Variants in ERBB3 observed in about 807,000 individuals in gnomAD.
ERBB3 encodes erb-b2 receptor tyrosine kinase 3, also known as receptor tyrosine-protein kinase erbB-3.
ERBB3 carries 96 observed loss-of-function variants against 156.7 expected under a neutral mutation model. The ratio of observed to expected loss-of-function variants is 0.61; its 90% CI spans 0.52 to 0.73. The LOEUF is 0.73. ERBB3 is among the 30% of genes least tolerant of loss of function. ERBB3 has a pLI of 0.00. For synonymous variants in ERBB3, 567 were observed against 632.0 expected, an observed-to-expected ratio of 0.90 and a Z score of 1.54; for missense variants, 1,406 against 1,709.4, an observed-to-expected ratio of 0.82 and a Z score of 3.13.
rs1868797672 is a variant in ERBB3 at position 56,093,804 on chromosome 12, G to A, written c.1521G>A (p.Gly507=). The change falls in exon 13 of 28, where the codon GGG becomes GGA. Residue 507 remains glycine (G), a synonymous_variant. Transcript: ENST00000267101. ...TGTGTGACCCACTGTGCTCCTCTGG[G>A]GGATGCTGGGGCCCAGGCCCTGGTC... The part of the protein sequence containing the change: ...GKVCDPLCSS[G]GCWGPGPGQC... The A allele has an allele frequency of 1.2e-6, 2 of 1,613,952 alleles. No homozygotes were observed. The highest frequency in any genetic ancestry group is 1.7e-6 in the Non-Finnish European group (2 of 1,180,010).
At chr12:56,085,832 G>A (rs1424681677) in intron 3 of ERBB3, among the ~76,000 whole-genome samples, 1 of 150,704 alleles carries the variant, frequency 6.6e-6, no homozygotes, top group East Asian at 1.9e-4. Flanking sequence ...CACTTTGGGA[G>A]GCCAAGGCAG....
At chr12:56,086,251 G>A (rs113453807) in intron 3 of ERBB3, among the ~76,000 whole-genome samples, 4 of 152,006 alleles carry the variant, frequency 2.6e-5, no homozygotes, top group Admixed American at 2.6e-4. Context: ...GCAGGGCTTG[G>A]GGGAGGGAAT....
chr12:56,098,273 G>A (rs552539100), intron 21 of ERBB3: 71 of 571,838 alleles, frequency 1.2e-4, no homozygotes, highest in African/African-American at 9.2e-4. Context: ...TTAGCCAGGC[G>A]TGGCGGCATG....
chr12:56,092,537 T>C (rs1437722360), intron 9 of ERBB3, among the ~76,000 whole-genome samples: 1 of 152,148 alleles, frequency 6.6e-6, no homozygotes, highest in Non-Finnish European at 1.5e-5. Context: ...CTGTGTTCTT[T>C]GGGCTGTACC....
In ERBB3 at chr12:56,100,163, T is replaced by G; in HGVS notation, c.3130-11T>G. The G allele has an allele frequency of 6.2e-7, 1 of 1,612,912 alleles. No individual in the cohort carries two copies. Among genetic ancestry groups the G allele is most frequent in the Non-Finnish European group, 8.5e-7 (1 of 1,179,206 alleles). On this transcript the variant is annotated splice_polypyrimidine_tract_variant and intron_variant, in intron 25 of 27. Transcript: ENST00000267101. ...CTTCATCTTAACCTTTTCCTTATTT[T>G]TTCATCCTAGAGCCAGAGCCTTTTA...
chr12:56,097,151 C>T lies in ERBB3; in HGVS notation c.2381C>T (p.Ser794Phe), dbSNP rs1303381079. ...QLVTQYLPLG[S>F]LLDHVRQHRG... is the part of the protein sequence containing the mutation. ...GTCACTCAATATTTGCCTCTGGGTT[C>T]TCTGCTGGATCATGTGAGACAACAC... Residue 794 changes from serine to phenylalanine, a missense_variant, in exon 20 of 28, where the codon TCT becomes TTT. Transcript: ENST00000267101. 1 of 1,614,160 alleles carries T rather than the reference C, an allele frequency of 6.2e-7. No individual in the cohort carries two copies. Among genetic ancestry groups the T allele is most frequent in the Non-Finnish European group, 8.5e-7 (1 of 1,180,030 alleles).
chr12:56,095,709 T>C lies in ERBB3; in HGVS notation c.1958T>C (p.Val653Ala). ...TMALTVIAGL[V>A]VIFMMLGGTF... ...GCTTTGACAGTGATAGCAGGATTGG[T>C]AGTGATTTTCATGATGCTGGGCGGC... Residue 653 changes from valine (V) to alanine (A), a missense_variant, in exon 17 of 28, where the codon GTA (valine) becomes GCA (alanine). By Grantham distance (64) the Val-to-Ala change is moderately conservative. This residue lies in a region of ERBB3 where 979 missense variants were observed against 1,219.6 expected (regional missense o/e 0.80). Transcript: ENST00000267101. 6.2e-7 allele frequency: 1 copy of C among 1,614,120 alleles called. No homozygotes were observed.
Position 56,101,226 on chromosome 12 carries a change from A to T in ERBB3, c.3367A>T (p.Ser1123Cys), listed in dbSNP as rs988843207. The change falls in exon 27 of 28, where the codon AGC becomes TGC. Residue 1123 changes from serine to cysteine, a missense_variant. Ser to Cys is a moderately radical substitution (Grantham distance 112). Coordinates refer to ENST00000267101, the MANE Select transcript of ERBB3 (RefSeq NM_001982.4). Reference sequence around the variant, plus strand: ...GTGTAGGAGCCGGAGCAGGAGCCGGAGCCCACGGCCACGCGGAGATAGCGC... The same window carrying T: ...GTGTAGGAGCCGGAGCAGGAGCCGGTGCCCACGGCCACGCGGAGATAGCGC... ...SMCRSRSRSR[S>C]PRPRGDSAYH... 1 of 1,613,912 alleles carries T rather than the reference A, an allele frequency of 6.2e-7. No homozygotes were observed. Among genetic ancestry groups the T allele is most frequent in the African/African-American group, 1.3e-5 (1 of 74,944 alleles).
intron 1 of ERBB3, among the ~76,000 whole-genome samples, chr12:56,082,912 CTG>C (rs1016945275): frequency 1.3e-5 from 2 of 152,160 alleles, no homozygotes; most frequent in African/African-American, 4.8e-5. Flanking sequence ...CCAGGTTCCT[CTG>C]TATTTGCTGA....
rs812826 is a variant in ERBB3, at chr12:56,101,522, C to T, written c.3503-7C>T. On this transcript the variant is annotated splice_polypyrimidine_tract_variant and splice_region_variant and intron_variant, in intron 27 of 27. Coordinates refer to ENST00000267101, the MANE Select transcript of ERBB3 (RefSeq NM_001982.4). Reference sequence around the variant, plus strand: ...TCACATACCTAGCCTTTCTTCTCAACCCCCAGGTACTCCCTCCTCCCGGGA... The same window carrying T: ...TCACATACCTAGCCTTTCTTCTCAATCCCCAGGTACTCCCTCCTCCCGGGA... 176,482 of 1,612,844 alleles carry T rather than the reference C, an allele frequency of 0.11. 10,484 individuals carry two copies. The highest frequency in any genetic ancestry group is 0.16 in the African/African-American group (11,760 of 74,866).
In ERBB3 at chr12:56,094,964, A is replaced by G. The variant is rs562794068; in HGVS notation, c.1860-293A>G. Among the ~76,000 whole-genome samples the G allele has an allele frequency of 3.7e-4, 56 of 151,990 alleles. 2 individuals are homozygous for G. In the South Asian group the frequency reaches 0.011, roughly 31 times the overall value. On this transcript the variant is annotated intron_variant, in intron 15 of 27. Transcript: ENST00000267101. The stretch of plus-strand genomic sequence containing the variant: ...GAAACTCTGTCTCAAAAAAAAAAAA[A>G]GAATCACTCCCAGCTGTGTAGCGAA...
intron 1 of ERBB3, among the ~76,000 whole-genome samples, chr12:56,082,226 T>C (rs958853941): frequency 2.0e-5 from 3 of 152,178 alleles, no homozygotes; most frequent in Admixed American, 6.5e-5. Flanking sequence ...CGTGTGTACA[T>C]TGTGTGTGTA....
intron 16 of ERBB3, 122 bp from the exon 17 acceptor site, chr12:56,095,543 A>T (rs1001897990): frequency 1.6e-6 from 2 of 1,219,130 alleles, no homozygotes; most frequent in Non-Finnish European, 2.4e-6. Flanking sequence ...GTGCTTAAGG[A>T]TATATATGTG....
rs897279486 is a variant in ERBB3, at chr12:56,084,572, C to T, written c.235-423C>T. 5.9e-5 allele frequency among the ~76,000 whole-genome samples: 8 copies of T among 135,962 alleles called. No homozygotes were observed. In the East Asian group the frequency reaches 8.9e-4, roughly 15 times the overall value. 89.2% of individuals were successfully genotyped at this position (135,962 alleles called of 152,430 possible). ...CTGCAGTGAGCGAGATTGTGCCACT[C>T]GTAACAGAGCGAGACCCTGTCTCAC... On this transcript the variant is annotated intron_variant, in intron 2 of 27. Transcript: ENST00000267101.
At chr12:56,083,673 G>A in intron 1 of ERBB3, 78 bp from the exon 2 acceptor site, 2 of 1,552,706 alleles carry the variant, frequency 1.3e-6, no homozygotes, top group Non-Finnish European at 1.8e-6. Flanking sequence ...GGCAACCAAG[G>A]GGGTGATCTT....
In ERBB3 at chr12:56,094,951, C is replaced by CAA. The variant is rs11425044; in HGVS notation, c.1860-294_1860-293dup. 1.9e-3 allele frequency among the ~76,000 whole-genome samples: 259 copies of CAA among 139,808 alleles called. 2 individuals are homozygous for CAA. In the East Asian group the frequency reaches 0.021, roughly 11 times the overall value. The allele number at this position is 139,808 out of a possible 152,430, so 91.7% of individuals were successfully genotyped here. A position where few individuals can be genotyped will look rare whatever the true frequency, so the allele number is the denominator to read the frequency against. On this transcript the variant is annotated intron_variant, in intron 15 of 27. Transcript: ENST00000267101. Reference sequence around the variant, plus strand: ...GGGCAACAAGAGTGAAACTCTGTCTCAAAAAAAAAAAAAGAATCACTCCCA... The same window carrying CAA: ...GGGCAACAAGAGTGAAACTCTGTCTCAAAAAAAAAAAAAAAGAATCACTCCCA...
In ERBB3 at chr12:56,102,148, C is replaced by A; in HGVS notation, c.*93C>A. ...TCCCTATTCCCTCTCTCTCCCAGGT[C>A]CCAGCCCCTTTTCCCCAGTCCCAGA... On this transcript the variant is annotated 3_prime_UTR_variant, in exon 28 of 28. Coordinates refer to ENST00000267101, the MANE Select transcript of ERBB3 (RefSeq NM_001982.4). 1 of 1,155,266 alleles carries A rather than the reference C, an allele frequency of 8.7e-7. No individual in the cohort carries two copies. The highest frequency in any genetic ancestry group is 1.3e-6 in the Non-Finnish European group (1 of 777,204). 71.6% of individuals were successfully genotyped at this position (1,155,266 alleles called of 1,614,324 possible). A position where few individuals can be genotyped will look rare whatever the true frequency, so the allele number is the denominator to read the frequency against.
chr12:56,081,478 C>T (rs572129384), intron 1 of ERBB3, among the ~76,000 whole-genome samples: 5 of 152,180 alleles, frequency 3.3e-5, no homozygotes, highest in African/African-American at 1.2e-4. Flanking sequence ...GTGCTTCCCT[C>T]ACAGTTGCTG....
Position 56,101,106 on chromosome 12 carries a change from T to G in ERBB3, c.3247T>G (p.Ser1083Ala), listed in dbSNP as rs888359200. ...GSSERCPRPVSLHPMPRGCLA... is the reference protein window; with the variant it reads ...GSSERCPRPVALHPMPRGCLA... ...CAGTGAACGGTGCCCCCGTCCAGTCTCTCTACACCCAATGCCACGGGGATG... is the reference window on the plus strand; with the variant it reads ...CAGTGAACGGTGCCCCCGTCCAGTCGCTCTACACCCAATGCCACGGGGATG... The change falls in exon 27 of 28, where the codon TCT (serine) becomes GCT (alanine). Residue 1083 changes from serine to alanine, a missense_variant. Ser to Ala is a moderately conservative substitution (Grantham distance 99). Transcript: ENST00000267101. 2 of 1,614,020 alleles carry G rather than the reference T, an allele frequency of 1.2e-6. No individual in the cohort carries two copies. The highest frequency in any genetic ancestry group is 2.7e-5 in the African/African-American group (2 of 74,900).
Sources: gnomAD v4.1 joint callset for allele counts (sites outside exome capture counted in the v4.1 genomes callset) on GRCh38, gnomAD v4.1.1 for gene constraint, gnomAD v4.1.1 regional missense constraint, MANE v1.5 for transcripts, NCBI Gene and HGNC (gene_info 2026-07-23, HGNC 2026-07-21) for gene names.